Variants in BRF1 observed in about 807,000 individuals in gnomAD.
The protein encoded by BRF1 is transcription factor IIIB 90 kDa subunit.
Under a neutral mutation model 81.7 loss-of-function variants are expected in BRF1, and 59 were observed. That is an observed-to-expected ratio of 0.72 (90% CI 0.59 to 0.90). The LOEUF is 0.90. Ranked by LOEUF, BRF1 falls within the 40% of genes least tolerant of loss-of-function variation. BRF1 has a pLI of 0.00. For missense variants in BRF1, 1,050 were observed against 936.3 expected (o/e 1.12, Z -1.58); for synonymous variants, 491 against 395.6 (o/e 1.24, Z -2.86).
chr14:105,271,841 TCCCCGCCCACCG>T lies in BRF1; in HGVS notation c.439+868_439+879del, dbSNP rs1361064778. Among the ~76,000 whole-genome samples the T allele has an allele frequency of 8.0e-5, 12 of 149,858 alleles. 1 individual carries two copies. Among genetic ancestry groups the T allele is most frequent in the African/African-American group, 2.2e-4 (9 of 40,608 alleles). On this transcript the variant is annotated intron_variant, in intron 3 of 17. Coordinates refer to ENST00000547530, the MANE Select transcript of BRF1 (RefSeq NM_001519.4). This position sits in a 1 kb window ranked among gnomAD's most constrained non-coding sequence, Gnocchi z 5.5. ...TGCACACCGCTGAGGGTCGGCAGCC[TCCCCGCCCACCG>T]CCTGCAGTCACGGTGTCCACGCACA...
chr14:105,248,322 C>T lies in BRF1; in HGVS notation c.544+4185G>A, dbSNP rs775358524. The T allele has an allele frequency of 2.7e-4, 262 of 985,338 alleles. 1 individual carries two copies. Among genetic ancestry groups the T allele is most frequent in the Non-Finnish European group, 3.0e-4 (253 of 829,930 alleles). 61.0% of individuals were successfully genotyped at this position (985,338 alleles called of 1,614,324 possible). On this transcript the variant is annotated intron_variant, in intron 5 of 17. Transcript: ENST00000547530. ...CCACCTGCGTTCCTAACCAAAAGAT[C>T]GCTAACTGAAGAACGGGCGCAAGCA...
At position 105,212,119 on chromosome 14, in the gene BRF1, C is replaced by G; in HGVS notation, c.1818G>C (p.Thr606=). The G allele has an allele frequency of 6.2e-7, 1 of 1,612,790 alleles. No homozygotes were observed. Among genetic ancestry groups the G allele is most frequent in the Non-Finnish European group, 8.5e-7 (1 of 1,179,698 alleles). The change falls in exon 16 of 18, where the codon ACG becomes ACC. Residue 606 remains threonine (T), a synonymous_variant. Coordinates refer to ENST00000547530, the MANE Select transcript of BRF1 (RefSeq NM_001519.4). ...VSTQPAKKVA[T]GEALLPSSPT... is the part of the protein sequence containing the mutation. ...GCTGCGTGGGACAACACACCTCTCC[C>G]GTGGCCACCTTCTTTGCTGGCTGCG...
At chr14:105,279,212 CA>C (rs996784696) in intron 2 of BRF1, among the ~76,000 whole-genome samples, 14 of 143,210 alleles carry the variant, frequency 9.8e-5, no homozygotes, top group Middle Eastern at 3.6e-3. Flanking sequence ...GACCCAGTCT[CA>C]AAAAAAAAAA....
intron 3 of BRF1, among the ~76,000 whole-genome samples, chr14:105,259,391 G>C (rs2140336891): frequency 6.6e-6 from 1 of 152,340 alleles, no homozygotes; most frequent in South Asian, 2.1e-4. Context: ...GTTGCAGTGA[G>C]CTGTGATTGC....
chr14:105,225,906 A>G (rs1295190310), intron 10 of BRF1, among the ~76,000 whole-genome samples, 163 bp downstream of exon 10: 6 of 152,348 alleles, frequency 3.9e-5, no homozygotes, highest in Middle Eastern at 3.4e-3. Context: ...TCAGCCTCCT[A>G]AAGTGCTGGG....
intron 5 of BRF1, chr14:105,248,770 T>C: frequency 7.1e-6 from 7 of 981,206 alleles, no homozygotes; most frequent in Non-Finnish European, 8.4e-6. Context: ...ACCTCCTTGC[T>C]TTTGCTTGCA....
intron 3 of BRF1, among the ~76,000 whole-genome samples, chr14:105,265,214 G>T (rs971619184): frequency 5.3e-5 from 8 of 151,864 alleles, no homozygotes; most frequent in Admixed American, 5.2e-4. Flanking sequence ...GGGACTACAG[G>T]TGTGCACCAC....
intron 5 of BRF1, among the ~76,000 whole-genome samples, chr14:105,245,562 CAACAG>C (rs952756024): frequency 1.2e-4 from 18 of 148,354 alleles, no homozygotes; most frequent in African/African-American, 3.7e-4. Context: ...ACCTACAGAC[CAACAG>C]AACAGAACAG....
At chr14:105,219,279 CG>C in intron 12 of BRF1, 47 bp from the exon 13 acceptor site, 1 of 1,602,290 alleles carries the variant, frequency 6.2e-7, no homozygotes, top group Non-Finnish European at 8.5e-7. Context: ...CTTCGCACAC[CG>C]GGGCATGCTA....
chr14:105,262,762 A>G (rs2056217074), intron 3 of BRF1, among the ~76,000 whole-genome samples: 1 of 152,182 alleles, frequency 6.6e-6, no homozygotes, highest in African/African-American at 2.4e-5. Flanking sequence ...AACCAGGCAC[A>G]TGGATGGCCC....
intron 15 of BRF1, 36 bp downstream of exon 15, chr14:105,217,508 G>A (rs375646517): frequency 1.9e-6 from 3 of 1,595,114 alleles, no homozygotes; most frequent in Non-Finnish European, 2.6e-6. Flanking sequence ...GCCCTGGGCT[G>A]CTGCCCTAAC....
At position 105,217,738 on chromosome 14, in the gene BRF1, C is replaced by T. The variant is rs1319325588; in HGVS notation, c.1578G>A (p.Glu526=). ...IQASTAREAI[E]KMLEQKKISS... ...AGATCTTCTTCTGCTCCAGCATCTTCTCGATGGCCTCCCTGGCGGTACTGG... is the reference window on the plus strand; with the variant it reads ...AGATCTTCTTCTGCTCCAGCATCTTTTCGATGGCCTCCCTGGCGGTACTGG... Residue 526 remains glutamate, a synonymous_variant, in exon 15 of 18, where the codon GAG becomes GAA. Coordinates refer to ENST00000547530, the MANE Select transcript of BRF1 (RefSeq NM_001519.4). 2 of 1,613,336 alleles carry T rather than the reference C, an allele frequency of 1.2e-6. No homozygotes were observed. The highest frequency in any genetic ancestry group is 1.7e-6 in the Non-Finnish European group (2 of 1,180,024).
intron 1 of BRF1, among the ~76,000 whole-genome samples, 193 bp downstream of exon 1, chr14:105,300,252 CG>C (rs2057946132): frequency 6.6e-6 from 1 of 152,218 alleles, no homozygotes; most frequent in African/African-American, 2.4e-5. Context: ...ACGCACGCCA[CG>C]GGGGTCCACA....
intron 11 of BRF1, among the ~76,000 whole-genome samples, chr14:105,220,946 C>T (rs934541623): frequency 6.6e-6 from 1 of 152,228 alleles, no homozygotes; most frequent in Non-Finnish European, 1.5e-5. Context: ...GCCTGTTGCT[C>T]TGTGTGACTC....
At chr14:105,268,993 C>A (rs3784214) in intron 3 of BRF1, among the ~76,000 whole-genome samples, 6 of 152,188 alleles carry the variant, frequency 3.9e-5, no homozygotes, top group Non-Finnish European at 8.8e-5. Context: ...GCCCAGCCAG[C>A]CAGCTGGGGC....
At chr14:105,229,452 G>A (rs1045946689) in intron 6 of BRF1, among the ~76,000 whole-genome samples, 1 of 152,216 alleles carries the variant, frequency 6.6e-6, no homozygotes, top group Non-Finnish European at 1.5e-5. Flanking sequence ...GGACTCTGTG[G>A]GCACGAGGGT....
chr14:105,247,774 T>A (rs1210902751), intron 5 of BRF1: 38 of 985,446 alleles, frequency 3.9e-5, no homozygotes, highest in Non-Finnish European at 3.9e-5. Context: ...GCCAGGCCTC[T>A]GGAGCTTCGT....
intron 1 of BRF1, among the ~76,000 whole-genome samples, chr14:105,294,264 G>A (rs587597349): frequency 3.7e-4 from 57 of 152,342 alleles, no homozygotes; most frequent in Admixed American, 2.6e-3. Context: ...CTGGGCCTGC[G>A]CCTCCCTCCA....
In BRF1 at chr14:105,300,841, C is replaced by G. The variant is rs1458014231; in HGVS notation, c.-212G>C. The G allele has an allele frequency of 5.5e-6, 1 of 183,298 alleles. No individual in the cohort carries two copies. The highest frequency in any genetic ancestry group is 2.4e-5 in the African/African-American group (1 of 42,084). 11.4% of individuals were successfully genotyped at this position (183,298 alleles called of 1,614,324 possible). On this transcript the variant is annotated 5_prime_UTR_variant, in exon 1 of 18. Coordinates refer to ENST00000547530, the MANE Select transcript of BRF1 (RefSeq NM_001519.4). ...CCGCGCCCGCGGGATGGGACAGGCA[C>G]CGGGACCACGGCGGGGACGCGAGGA...
Sources: gnomAD v4.1 joint callset for allele counts (sites outside exome capture counted in the v4.1 genomes callset) on GRCh38, gnomAD v4.1.1 for gene constraint, Gnocchi (gnomAD v3.1) non-coding constraint, MANE v1.5 for transcripts, NCBI Gene and HGNC (gene_info 2026-07-23, HGNC 2026-07-21) for gene names.